DOK4: variants seen among roughly 807,000 people sequenced by gnomAD.
DOK4 encodes the protein docking protein 4.
Under a neutral mutation model 40.1 loss-of-function variants are expected in DOK4, and 26 were observed. The observed-to-expected ratio is 0.65, with a 90% CI of 0.48 to 0.90. The LOEUF (loss-of-function observed/expected upper bound fraction) is 0.90, where lower values mean the gene tolerates loss of function less well. Among genes scored for constraint, DOK4 ranks in the 40% least tolerant of loss-of-function variants. The pLI, the probability that DOK4 is intolerant of heterozygous loss-of-function variation, is 0.00. For missense variants in DOK4, 392 were observed against 437.2 expected (o/e 0.90, Z 0.92); for synonymous variants, 179 against 177.0 (o/e 1.01, Z -0.09).
rs1259042874 is a variant in DOK4 at position 57,485,067 on chromosome 16, T to A, written c.-182+1238A>T. ...TTTCTTCCACCACCACCAGCCTCCA[T>A]CTGGCTGGACCTGGCTCAGCTTCCA... On this transcript the variant is annotated intron_variant, in intron 1 of 8. Coordinates refer to ENST00000340099, the Ensembl canonical transcript of DOK4. This position sits in a 1 kb window ranked among gnomAD's most constrained non-coding sequence, Gnocchi z 4.3. Among the ~76,000 whole-genome samples the A allele has an allele frequency of 6.6e-6, 1 of 152,234 alleles. No individual in the cohort carries two copies. Among genetic ancestry groups the A allele is most frequent in the African/African-American group, 2.4e-5 (1 of 41,462 alleles).
intron 3 of DOK4, 92 bp downstream of exon 3, chr16:57,475,731 TCCTCCTCTCCCTCTCTCCCCCTTTCTC>T: frequency 2.1e-6 from 1 of 481,306 alleles, no homozygotes. Context: ...TCCTTCTCTC[TCCTCCTCTCCCTCTCTCCCCCTTTCTC>T]CCCTCTCTCC....
chr16:57,480,908 A>C (rs1465809713), intron 1 of DOK4, among the ~76,000 whole-genome samples: 1 of 152,176 alleles, frequency 6.6e-6, no homozygotes, highest in East Asian at 1.9e-4. Flanking sequence ...GAGAAGGTCC[A>C]GGGTGGTGAT....
intron 6 of DOK4, 184 bp downstream of exon 6, chr16:57,474,608 TG>T: frequency 1.3e-6 from 1 of 752,484 alleles, no homozygotes; most frequent in Non-Finnish European, 2.1e-6. Context: ...CTGCATGCTG[TG>T]GGCAAGTTAC....
chr16:57,487,238 G>A (rs1338623262), upstream of DOK4: 1 of 152,212 alleles, frequency 6.6e-6, no homozygotes, highest in Non-Finnish European at 1.5e-5. Context: ...TGGTTTTCAC[G>A]TCTGTACCTT....
At chr16:57,477,810 G>C (rs2031248812) in intron 2 of DOK4, among the ~76,000 whole-genome samples, 1 of 152,180 alleles carries the variant, frequency 6.6e-6, no homozygotes, top group Non-Finnish European at 1.5e-5. Flanking sequence ...TGGCTGCTGG[G>C]GAGGGACCAC....
exon 9 of DOK4, chr16:57,473,248 A>G: frequency 7.3e-7 from 1 of 1,378,148 alleles, no homozygotes; most frequent in Non-Finnish European, 9.6e-7. Context: ...CTTGGGGGCA[A>G]GGAGGGGGCA....
rs1309003623 is a variant in DOK4 at position 57,473,204 on chromosome 16, T to C, written c.*173A>G. 2.8e-5 allele frequency: 26 copies of C among 927,102 alleles called. 1 individual carries two copies. The highest frequency in any genetic ancestry group is 5.3e-5 in the South Asian group (3 of 56,144). 57.4% of individuals were successfully genotyped at this position (927,102 alleles called of 1,614,324 possible). ...CAACCCCTCACACATGCTCAGGTGG[T>C]GTGGCCAGCCCTTTGCCTCAGTCCA... On this transcript the variant is annotated 3_prime_UTR_variant, in exon 9 of 9. Transcript: ENST00000340099.
intron 1 of DOK4, among the ~76,000 whole-genome samples, chr16:57,482,036 C>T (rs1162692429): frequency 2.0e-5 from 3 of 151,732 alleles, no homozygotes; most frequent in Non-Finnish European, 2.9e-5. Flanking sequence ...GGCTAATTTT[C>T]GGTATTTTTA....
chr16:57,474,714 G>C, intron 6 of DOK4, 79 bp downstream of exon 6: 4 of 1,539,344 alleles, frequency 2.6e-6, no homozygotes, highest in Non-Finnish European at 3.5e-6. Flanking sequence ...CAAGCTCCTA[G>C]CACAGTGCCC....
At chr16:57,475,424 C>T in intron 4 of DOK4, 82 bp downstream of exon 4, 3 of 1,423,176 alleles carry the variant, frequency 2.1e-6, no homozygotes, top group Non-Finnish European at 2.9e-6. Context: ...CCAGGGTTAG[C>T]CCTGCTCTGC....
chr16:57,472,039 G>A (rs1307665653), exon 9 of DOK4: 2 of 152,736 alleles, frequency 1.3e-5, no homozygotes, highest in Admixed American at 6.5e-5. Flanking sequence ...ACTTAGCTGA[G>A]CCAGCCAGCT....
rs986613435 is a variant in DOK4, at chr16:57,479,659, T to C, written c.-152A>G. 2.5e-5 allele frequency: 18 copies of C among 711,540 alleles called. No individual in the cohort carries two copies. In the African/African-American group the frequency reaches 2.6e-4, roughly 10 times the overall value. 44.1% of individuals were successfully genotyped at this position (711,540 alleles called of 1,614,324 possible). On this transcript the variant is annotated 5_prime_UTR_variant, in exon 2 of 9. Transcript: ENST00000340099. The surrounding 1 kb of genome is among the most constrained non-coding windows in gnomAD (Gnocchi z 5.8). ...CTCCTCACCTCACCCGCCTCAGCAT[T>C]GTTCTAGCAGCTCCTTCGCCCCGCG...
intron 2 of DOK4, among the ~76,000 whole-genome samples, chr16:57,477,920 G>A (rs1468640510): frequency 2.0e-5 from 3 of 152,186 alleles, no homozygotes; most frequent in Non-Finnish European, 4.4e-5. Flanking sequence ...CATCCAGGCT[G>A]TGCCCACCTG....
chr16:57,475,751 C>T lies in DOK4; in HGVS notation c.174+99G>A, dbSNP rs115926025. 2.3e-3 allele frequency: 1,963 copies of T among 836,604 alleles called. 32 individuals carry two copies. The African/African-American group carries it at 0.03, about 13-fold the overall frequency. 51.8% of individuals were successfully genotyped at this position (836,604 alleles called of 1,614,324 possible). ...CTCTCTCCTCCTCTCCCTCTCTCCC[C>T]CTTTCTCCCCTCTCTCCCTCTCTCC... On this transcript the variant is annotated intron_variant, in intron 3 of 8. Transcript: ENST00000340099.
rs1156263709 is a variant in DOK4, at chr16:57,479,065, G to A, written c.66+377C>T. On this transcript the variant is annotated intron_variant, in intron 2 of 8. Transcript: ENST00000340099. The surrounding 1 kb of genome is among the most constrained non-coding windows in gnomAD (Gnocchi z 5.8). ...GCAAACGGAAGGGAGAGGAGGCCAG[G>A]GGAAGTGAGACGCTGCTTCTCAGCT... is the stretch of plus-strand genomic sequence containing the variant. 6.6e-6 allele frequency among the ~76,000 whole-genome samples: 1 copy of A among 152,166 alleles called. No individual in the cohort carries two copies. The highest frequency in any genetic ancestry group is 1.9e-4 in the East Asian group (1 of 5,176).
rs373296420 is a variant in DOK4, at chr16:57,475,499, G to A, written c.289+7C>T. On this transcript the variant is annotated splice_region_variant and intron_variant, in intron 4 of 8. Transcript: ENST00000340099. ...GAGGCAGATGGAGGCCCATACTCGC[G>A]CCTCACCTGAGTCGCAGGTGAAGGT... 1.3e-5 allele frequency: 21 copies of A among 1,597,238 alleles called. 1 individual carries two copies. Among genetic ancestry groups the A allele is most frequent in the African/African-American group, 5.4e-5 (4 of 74,580 alleles).
Position 57,474,058 on chromosome 16 carries a change from G to C in DOK4, c.600-19C>G, listed in dbSNP as rs1382820562. 1.2e-6 allele frequency: 2 copies of C among 1,613,474 alleles called. No homozygotes were observed. Among genetic ancestry groups the C allele is most frequent in the Non-Finnish European group, 1.7e-6 (2 of 1,179,588 alleles). On this transcript the variant is annotated intron_variant, in intron 6 of 8. Transcript: ENST00000340099. The stretch of plus-strand genomic sequence containing the variant: ...ACACATCCTGGGGACACAGCACAGA[G>C]GGCAAGATGGTGGGGACCCACCACA...
At chr16:57,477,512 G>A (rs777237185) in intron 2 of DOK4, among the ~76,000 whole-genome samples, 6 of 152,222 alleles carry the variant, frequency 3.9e-5, no homozygotes, top group African/African-American at 1.2e-4. Flanking sequence ...GGATGCTGCC[G>A]ACCCAGATAC....
rs964919837 is a variant in DOK4, at chr16:57,479,026, G to A, written c.66+416C>T. On this transcript the variant is annotated intron_variant, in intron 2 of 8. Coordinates refer to ENST00000340099, the Ensembl canonical transcript of DOK4. The surrounding 1 kb of genome is among the most constrained non-coding windows in gnomAD (Gnocchi z 5.8). ...AAGAGGCCAGGAGAGGTGAGGGGAG[G>A]CCGGGGGTGGGGGGCAAACGGAAGG... Among the ~76,000 whole-genome samples, 44 of 152,172 alleles carry A rather than the reference G, an allele frequency of 2.9e-4. No homozygotes were observed. The highest frequency in any genetic ancestry group is 1.0e-3 in the African/African-American group (43 of 41,438).
Sources: allele counts gnomAD v4.1 joint callset (sites outside exome capture counted in the v4.1 genomes callset), GRCh38; gene constraint gnomAD v4.1.1; non-coding constraint Gnocchi (gnomAD v3.1); transcripts MANE v1.5; gene names NCBI Gene and HGNC (gene_info 2026-07-23, HGNC 2026-07-21).